PPARGC1A: variants seen among roughly 807,000 people sequenced by gnomAD.
PPARGC1A encodes the protein PPARG coactivator 1 alpha.
A neutral mutation model predicts 88.7 loss-of-function variants in PPARGC1A; 25 were observed. That is an observed-to-expected ratio of 0.28 (90% CI 0.21 to 0.39). The LOEUF is 0.39. Among genes scored for constraint, PPARGC1A ranks in the 10% least tolerant of loss-of-function variants. The probability of loss-of-function intolerance (pLI) is 1.00; values close to 1 mark genes in which losing one functional copy is unlikely to be tolerated. For missense variants in PPARGC1A, 880 were observed against 968.7 expected, an observed-to-expected ratio of 0.91 and a Z score of 1.22; for synonymous variants, 363 against 355.6, an observed-to-expected ratio of 1.02 and a Z score of -0.24.
the PPARGC1A span, among the ~76,000 whole-genome samples, chr4:24,220,115 G>GA: frequency 1.3e-5 from 2 of 151,988 alleles, no homozygotes; most frequent in East Asian, 1.9e-4. Flanking sequence ...CAACAAACAT[G>GA]AAAAAAATGC....
chr4:24,190,461 G>C, the PPARGC1A span, among the ~76,000 whole-genome samples: 1 of 152,084 alleles, frequency 6.6e-6, no homozygotes, highest in Non-Finnish European at 1.5e-5. Flanking sequence ...CTTGCAGTGA[G>C]CCGAGATCGC....
intron 10 of PPARGC1A, 37 bp downstream of exon 10, chr4:23,812,710 C>T: frequency 1.2e-6 from 2 of 1,610,724 alleles, no homozygotes; most frequent in Non-Finnish European, 1.7e-6. Context: ...AAGAAGAAAC[C>T]CTACTTTAAA....
chr4:23,825,243 T>G (rs1278550069), intron 5 of PPARGC1A: 1 of 152,108 alleles, frequency 6.6e-6, no homozygotes, highest in Non-Finnish European at 1.5e-5. Flanking sequence ...TGCTTCTCTG[T>G]GGCAATCTTG....
chr4:24,170,907 C>T, the PPARGC1A span, among the ~76,000 whole-genome samples: 2 of 152,176 alleles, frequency 1.3e-5, no homozygotes, highest in East Asian at 3.9e-4. Context: ...CTGACATCAT[C>T]TCTTATTCTT....
At chr4:24,194,662 ACACACAC>A in the PPARGC1A span, among the ~76,000 whole-genome samples, 40,838 of 83,614 alleles carry the variant, frequency 0.49, 6,355 homozygotes, top group East Asian at 0.63. Context: ...ACACACACAC[ACACACAC>A]CCCCATCAAG....
chr4:24,082,001 T>C, the PPARGC1A span, among the ~76,000 whole-genome samples: 1 of 152,134 alleles, frequency 6.6e-6, no homozygotes, highest in African/African-American at 2.4e-5. Context: ...TTTTGAAAAC[T>C]GAAATACACT....
chr4:23,845,578 A>C (rs1728171036), intron 2 of PPARGC1A, among the ~76,000 whole-genome samples: 1 of 152,130 alleles, frequency 6.6e-6, no homozygotes, highest in Admixed American at 6.5e-5. Flanking sequence ...ATCTAGGGTG[A>C]AAGAGATCCA....
intron 2 of PPARGC1A, among the ~76,000 whole-genome samples, chr4:23,849,133 G>A (rs149440345): frequency 0.011 from 1,660 of 152,234 alleles, 14 homozygotes; most frequent in Middle Eastern, 0.027. Flanking sequence ...GACAGAGTGA[G>A]ACTCCGTCTC....
chr4:23,857,182 T>G (rs2148690990), intron 2 of PPARGC1A, among the ~76,000 whole-genome samples: 1 of 151,922 alleles, frequency 6.6e-6, no homozygotes, highest in South Asian at 2.1e-4. Context: ...ACCACTGGAC[T>G]CACAGAAGAT....
intron 10 of PPARGC1A, among the ~76,000 whole-genome samples, chr4:23,807,803 AGT>A (rs1166519859): frequency 2.0e-5 from 3 of 151,928 alleles, no homozygotes; most frequent in Non-Finnish European, 2.9e-5. Context: ...AACATTTTAA[AGT>A]GTACAATAGC....
chr4:24,166,192 T>C, the PPARGC1A span, among the ~76,000 whole-genome samples: 3 of 152,146 alleles, frequency 2.0e-5, no homozygotes, highest in Non-Finnish European at 2.9e-5. Context: ...TAATGCAGAG[T>C]AGAGCCCTAA....
At chr4:24,117,309 T>A in the PPARGC1A span, among the ~76,000 whole-genome samples, 1 of 152,134 alleles carries the variant, frequency 6.6e-6, no homozygotes, top group Admixed American at 6.6e-5. Context: ...GTACCAACAC[T>A]GTCTGGTGGC....
intron 2 of PPARGC1A, among the ~76,000 whole-genome samples, chr4:23,841,211 C>T (rs761574903): frequency 7.2e-5 from 11 of 151,996 alleles, no homozygotes; most frequent in Admixed American, 4.6e-4. Flanking sequence ...CCAGACAAAC[C>T]TACTCTCTGA....
chr4:24,452,121 C>A, the PPARGC1A span, among the ~76,000 whole-genome samples: 11 of 151,692 alleles, frequency 7.3e-5, no homozygotes, highest in Admixed American at 7.2e-4. Flanking sequence ...AGAAGAATTA[C>A]AACTCAAACT....
the PPARGC1A span, among the ~76,000 whole-genome samples, chr4:24,051,416 C>A: frequency 6.6e-6 from 1 of 152,066 alleles, no homozygotes; most frequent in Non-Finnish European, 1.5e-5. Context: ...ATTTATTGTT[C>A]AGTTACTCTA....
chr4:23,904,985 C>G (rs566405330), upstream of PPARGC1A, among the ~76,000 whole-genome samples: 5 of 152,204 alleles, frequency 3.3e-5, no homozygotes, highest in Admixed American at 1.3e-4. Context: ...GCGCTAAGTG[C>G]TGTACCACAT....
chr4:24,073,473 G>A, the PPARGC1A span, among the ~76,000 whole-genome samples: 112 of 152,258 alleles, frequency 7.4e-4, no homozygotes, highest in Non-Finnish European at 1.0e-3. Context: ...CTGCTTTTCC[G>A]TCTCTTGAAC....
the PPARGC1A span, among the ~76,000 whole-genome samples, chr4:24,332,666 G>A: frequency 1.3e-5 from 2 of 152,066 alleles, no homozygotes; most frequent in African/African-American, 4.8e-5. Context: ...AAACTTACAA[G>A]TTTTCAACAA....
At chr4:23,845,832 A>G (rs1728215610) in intron 2 of PPARGC1A, among the ~76,000 whole-genome samples, 1 of 152,186 alleles carries the variant, frequency 6.6e-6, no homozygotes, top group Non-Finnish European at 1.5e-5. Flanking sequence ...AAAGCATCTG[A>G]GCAAGTTTGC....
Sources: gnomAD v4.1 joint callset for allele counts (sites outside exome capture counted in the v4.1 genomes callset) on GRCh38, gnomAD v4.1.1 for gene constraint, MANE v1.5 for transcripts, NCBI Gene and HGNC (gene_info 2026-07-23, HGNC 2026-07-21) for gene names.